The following FILIP1 variants were observed in gnomAD, a reference collection of about 807,000 sequenced individuals.
The protein encoded by FILIP1 is filamin A interacting protein 1, also known as filamin-A-interacting protein 1.
FILIP1 carries 61 observed loss-of-function variants against 102.1 expected under a neutral mutation model. That is an observed-to-expected ratio of 0.60 (90% CI 0.49 to 0.74). The LOEUF (loss-of-function observed/expected upper bound fraction) is 0.74. Ranked by LOEUF, FILIP1 falls within the 30% of genes least tolerant of loss-of-function variation. The pLI, the probability that FILIP1 is intolerant of heterozygous loss-of-function variation, is 0.00. For missense variants in FILIP1, 1,314 were observed against 1,441.2 expected, an observed-to-expected ratio of 0.91 and a Z score of 1.43; for synonymous variants, 491 against 526.9, an observed-to-expected ratio of 0.93 and a Z score of 0.93.
At chr6:75,315,291 C>A (rs752410890) in intron 4 of FILIP1, 89 bp from the exon 5 acceptor site, 7 of 771,092 alleles carry the variant, frequency 9.1e-6, no homozygotes, top group Admixed American at 3.7e-5. Flanking sequence ...AAAGCCACTA[C>A]AATAAATCCC....
chr6:75,489,875 C>T (rs1482066053), intron 1 of FILIP1, among the ~76,000 whole-genome samples: 3 of 151,906 alleles, frequency 2.0e-5, no homozygotes, highest in Admixed American at 6.6e-5. Context: ...TGTCATTTTT[C>T]TAATAAATTG....
chr6:75,314,564 A>T lies in FILIP1; in HGVS notation c.1268T>A (p.Leu423His). ...TCTCTTCTGTAGCTTCTCAACTTCA[A>T]GTCTGAGCTCCTTACTATGGTGTTC... Reference protein sequence around the residue: ...EEEHHSKELRLEVEKLQKRMS... With the variant: ...EEEHHSKELRHEVEKLQKRMS... The change falls in exon 5 of 6, where the codon CTT (leucine) becomes CAT (histidine). Residue 423 changes from leucine (L) to histidine (H), a missense_variant. Physicochemically the swap from Leu to His is moderately conservative, Grantham distance 99. Around this residue, in one of 3 missense-constraint regions of FILIP1, gnomAD observed 494 missense variants for 511.2 expected, o/e 0.97. Coordinates refer to ENST00000237172, the MANE Select transcript of FILIP1 (RefSeq NM_015687.5). The T allele has an allele frequency of 6.2e-7, 1 of 1,613,864 alleles. No individual in the cohort carries two copies. Among genetic ancestry groups the T allele is most frequent in the Non-Finnish European group, 8.5e-7 (1 of 1,179,988 alleles).
At chr6:75,299,710 T>C (rs2842463) in intron 6 of FILIP1, among the ~76,000 whole-genome samples, 62,086 of 151,980 alleles carry the variant, frequency 0.41, 12,753 homozygotes, top group East Asian at 0.55. Context: ...TTTGTTATTA[T>C]GACATTATTG....
chr6:75,449,006 C>T (rs1015516116), intron 1 of FILIP1, among the ~76,000 whole-genome samples: 2 of 151,986 alleles, frequency 1.3e-5, no homozygotes, highest in East Asian at 1.9e-4. Flanking sequence ...AGGCATTATA[C>T]GAAAAAGATA....
intron 4 of FILIP1, among the ~76,000 whole-genome samples, chr6:75,346,218 TGTTTG>T (rs1294361854): frequency 1.3e-5 from 2 of 152,214 alleles, no homozygotes; most frequent in Non-Finnish European, 2.9e-5. Context: ...AAGGAAAATG[TGTTTG>T]AGAAATATCT....
chr6:75,362,760 TCATAGA>T lies in FILIP1; in HGVS notation c.428_433del (p.Val143_Tyr144del), dbSNP rs1458179342. 4.3e-6 allele frequency: 7 copies of T among 1,613,510 alleles called. No individual in the cohort carries two copies. The highest frequency in any genetic ancestry group is 5.9e-6 in the Non-Finnish European group (7 of 1,179,952). On this transcript the variant is annotated inframe_deletion, in exon 3 of 6. Coordinates refer to ENST00000237172, the MANE Select transcript of FILIP1 (RefSeq NM_015687.5). ...TATTTTTACCTCTGAAATCGGTTTC[TCATAGA>T]CATCTTCTCCTATGGATTTCTCCTG...
At chr6:75,329,689 T>C (rs1394819856) in intron 4 of FILIP1, among the ~76,000 whole-genome samples, 1 of 152,186 alleles carries the variant, frequency 6.6e-6, no homozygotes, top group African/African-American at 2.4e-5. Context: ...GAGTACAGTA[T>C]AGAGCTAAGC....
chr6:75,300,324 A>T (rs985650861), intron 6 of FILIP1, among the ~76,000 whole-genome samples: 6 of 152,160 alleles, frequency 3.9e-5, no homozygotes, highest in African/African-American at 1.4e-4. Context: ...TTTTGCATCA[A>T]TTTGCCTATA....
chr6:75,354,004 A>G (rs1022173914), intron 3 of FILIP1, among the ~76,000 whole-genome samples: 61 of 152,176 alleles, frequency 4.0e-4, no homozygotes, highest in African/African-American at 1.4e-3. Context: ...CCATAATTTT[A>G]TCCATTCTAC....
At position 75,312,418 on chromosome 6, in the gene FILIP1, A is replaced by C; in HGVS notation, c.3414T>G (p.Ser1138=). 1.2e-6 allele frequency: 2 copies of C among 1,613,950 alleles called. No individual in the cohort carries two copies. Among genetic ancestry groups the C allele is most frequent in the Non-Finnish European group, 1.7e-6 (2 of 1,179,890 alleles). The change falls in exon 5 of 6, where the codon TCT becomes TCG. Residue 1138 remains serine (S), a synonymous_variant. Coordinates refer to ENST00000237172, the MANE Select transcript of FILIP1 (RefSeq NM_015687.5). ...TCACCACTGACTGGGTTCCTCGAGC[A>C]GATGACGTTGTGACCGGTGTTATGG... ...TITITPVTTS[S]ARGTQSVSGQ... is the part of the protein sequence containing the mutation.
intron 1 of FILIP1, among the ~76,000 whole-genome samples, chr6:75,463,454 T>C (rs1021142621): frequency 6.6e-6 from 1 of 152,196 alleles, no homozygotes; most frequent in Non-Finnish European, 1.5e-5. Context: ...TAGCAAAATA[T>C]CTTTTCTTTT....
intron 4 of FILIP1, among the ~76,000 whole-genome samples, chr6:75,331,809 A>C (rs189604298): frequency 6.6e-6 from 1 of 152,250 alleles, no homozygotes; most frequent in East Asian, 1.9e-4. Flanking sequence ...AGTGAATTGA[A>C]GGTTTATATC....
intron 4 of FILIP1, among the ~76,000 whole-genome samples, chr6:75,351,919 C>T (rs1403328482): frequency 1.3e-5 from 2 of 152,230 alleles, no homozygotes; most frequent in African/African-American, 4.8e-5. Context: ...TCCAGGATGT[C>T]GAATCAGTTA....
intron 2 of FILIP1, among the ~76,000 whole-genome samples, chr6:75,365,045 G>T (rs1276331631): frequency 6.6e-6 from 1 of 152,158 alleles, no homozygotes. Flanking sequence ...ATGATAGAAG[G>T]TTGGCAAGCT....
chr6:75,299,215 G>C (rs1281629691), intron 6 of FILIP1, among the ~76,000 whole-genome samples: 2 of 152,044 alleles, frequency 1.3e-5, no homozygotes, highest in African/African-American at 4.8e-5. Context: ...TTTCATCCCA[G>C]AACAAGATTC....
chr6:75,312,584 C>T lies in FILIP1; in HGVS notation c.3248G>A (p.Gly1083Asp). Residue 1083 changes from glycine (G) to aspartate (D), a missense_variant, in exon 5 of 6, where the codon GGT becomes GAT. Gly to Asp is a moderately conservative substitution (Grantham distance 94, BLOSUM62 -1). Coordinates refer to ENST00000237172, the MANE Select transcript of FILIP1 (RefSeq NM_015687.5). ...AGTAATAACTGGACTGACTCCTTCA[C>T]CTGAAGTCCCAGGGGACCGTTTAAA... ...SQFKRSPGTS[G>D]EGVSPVITVR... 6.2e-7 allele frequency: 1 copy of T among 1,614,204 alleles called. No individual in the cohort carries two copies. The highest frequency in any genetic ancestry group is 8.5e-7 in the Non-Finnish European group (1 of 1,180,046).
intron 1 of FILIP1, among the ~76,000 whole-genome samples, chr6:75,464,689 G>T (rs191632721): frequency 1.2e-3 from 180 of 152,214 alleles, no homozygotes; most frequent in African/African-American, 4.2e-3. Flanking sequence ...TCCCAAATCT[G>T]CACCTGTATA....
intron 1 of FILIP1, among the ~76,000 whole-genome samples, chr6:75,423,108 C>T (rs564157962): frequency 3.1e-4 from 47 of 152,214 alleles, no homozygotes; most frequent in African/African-American, 1.1e-3. Context: ...TTGACAATGA[C>T]CAATTGAGAG....
At chr6:75,441,361 A>G (rs1778214655) in intron 1 of FILIP1, among the ~76,000 whole-genome samples, 1 of 152,104 alleles carries the variant, frequency 6.6e-6, no homozygotes, top group African/African-American at 2.4e-5. Context: ...GAACAAAATG[A>G]AGTCTCCCAT....
Sources: allele counts gnomAD v4.1 joint callset (sites outside exome capture counted in the v4.1 genomes callset), GRCh38; gene constraint gnomAD v4.1.1; regional missense constraint gnomAD v4.1.1; transcripts MANE v1.5; gene names NCBI Gene and HGNC (gene_info 2026-07-23, HGNC 2026-07-21).